MARCHF10: variants seen among roughly 807,000 people sequenced by gnomAD.
MARCHF10 encodes membrane associated ring-CH-type finger 10.
Under a neutral mutation model 76.2 loss-of-function variants are expected in MARCHF10, and 64 were observed. The observed-to-expected ratio is 0.84, with a 90% confidence interval of 0.69 to 1.03. The LOEUF (loss-of-function observed/expected upper bound fraction) is 1.03. Ranked by LOEUF, MARCHF10 falls within the 50% of genes least tolerant of loss-of-function variation. The pLI, the probability that MARCHF10 is intolerant of heterozygous loss-of-function variation, is 0.00. For missense variants in MARCHF10, 875 were observed against 958.0 expected, an observed-to-expected ratio of 0.91 and a Z score of 1.14; for synonymous variants, 340 against 357.5, an observed-to-expected ratio of 0.95 and a Z score of 0.55.
At chr17:62,751,633 C>T (rs563072434) in intron 4 of MARCHF10, among the ~76,000 whole-genome samples, 1 of 152,252 alleles carries the variant, frequency 6.6e-6, no homozygotes, top group Non-Finnish European at 1.5e-5. Flanking sequence ...GAAGAACCTC[C>T]CTGGTGATTT....
At chr17:62,735,789 A>G (rs2091235725) in intron 6 of MARCHF10, 142 bp downstream of exon 6, 2 of 688,024 alleles carry the variant, frequency 2.9e-6, no homozygotes, top group African/African-American at 1.8e-5. Context: ...AAACAGAGAC[A>G]ATTTTCTCAA....
chr17:62,784,752 C>A (rs955627418), intron 3 of MARCHF10, among the ~76,000 whole-genome samples: 7 of 152,164 alleles, frequency 4.6e-5, no homozygotes, highest in African/African-American at 1.2e-4. Flanking sequence ...ACAGCCAAAT[C>A]ATGAGTGAAC....
intron 8 of MARCHF10, among the ~76,000 whole-genome samples, chr17:62,716,692 C>CAAA (rs57272099): frequency 3.1e-5 from 4 of 129,828 alleles, no homozygotes; most frequent in African/African-American, 1.1e-4. Context: ...TAAACAAAAG[C>CAAA]AAAAAAAAAA....
chr17:62,737,079 C>A lies in MARCHF10; in HGVS notation c.789G>T (p.Gly263=). Residue 263 remains glycine (G), a synonymous_variant, in exon 6 of 11, where the codon GGG becomes GGT. Coordinates refer to ENST00000311269, the MANE Select transcript of MARCHF10 (RefSeq NM_152598.4). The part of the protein sequence containing the change: ...GPPLTPTTVG[G]PRKASFRFRD... ...GGAACCTAAATGATGCCTTTCTTGG[C>A]CCTCCTACAGTGGTGGGTGTGAGTG... 6.2e-7 allele frequency: 1 copy of A among 1,614,068 alleles called. No homozygotes were observed. The highest frequency in any genetic ancestry group is 8.5e-7 in the Non-Finnish European group (1 of 1,180,024).
At chr17:62,801,170 T>C (rs1402246318) in intron 2 of MARCHF10, among the ~76,000 whole-genome samples, 1 of 151,960 alleles carries the variant, frequency 6.6e-6, no homozygotes, top group Non-Finnish European at 1.5e-5. Flanking sequence ...GTTTGTTTGT[T>C]TTTGAGACGG....
intron 9 of MARCHF10, among the ~76,000 whole-genome samples, chr17:62,710,556 T>C (rs1300900264): frequency 5.5e-4 from 46 of 83,622 alleles, no homozygotes; most frequent in African/African-American, 1.7e-3. Context: ...CCAGCTTTTT[T>C]TTTTTTTTTT....
chr17:62,781,329 T>C (rs985573847), intron 3 of MARCHF10, among the ~76,000 whole-genome samples: 2 of 152,204 alleles, frequency 1.3e-5, no homozygotes, highest in Admixed American at 6.5e-5. Context: ...TACTGTAATG[T>C]CAGTGTGCCA....
intron 3 of MARCHF10, among the ~76,000 whole-genome samples, chr17:62,765,472 A>G (rs139111394): frequency 6.6e-6 from 1 of 151,582 alleles, no homozygotes; most frequent in Non-Finnish European, 1.5e-5. Context: ...TCCTGCCTAC[A>G]GGCTTCTCTC....
chr17:62,794,212 TACCACCTCCACCACC>T (rs2092947429), intron 2 of MARCHF10, among the ~76,000 whole-genome samples: 1 of 142,868 alleles, frequency 7.0e-6, no homozygotes, highest in African/African-American at 2.6e-5. Flanking sequence ...CCACCACCAC[TACCACCTCCACCACC>T]ACCACATCAC....
chr17:62,750,723 G>A (rs2091871093), intron 4 of MARCHF10, among the ~76,000 whole-genome samples: 1 of 152,196 alleles, frequency 6.6e-6, no homozygotes, highest in African/African-American at 2.4e-5. Flanking sequence ...CAAGGGAAGC[G>A]GCACCAGCAT....
At chr17:62,702,930 CGCCCCTGTTCCT>C (rs1160941011) in intron 10 of MARCHF10, among the ~76,000 whole-genome samples, 1 of 152,184 alleles carries the variant, frequency 6.6e-6, no homozygotes, top group Non-Finnish European at 1.5e-5. Flanking sequence ...CCCTCACACC[CGCCCCTGTTCCT>C]GCCCCTGTCC....
Position 62,711,128 on chromosome 17 carries a change from C to T in MARCHF10, c.2328+103G>A, listed in dbSNP as rs572399304. 1,055 of 889,848 alleles carry T rather than the reference C, an allele frequency of 1.2e-3. 4 individuals are homozygous for T. Among genetic ancestry groups the T allele is most frequent in the Non-Finnish European group, 1.3e-3 (717 of 542,106 alleles). The allele number at this position is 889,848 out of a possible 1,614,324, so 55.1% of individuals were successfully genotyped here. On this transcript the variant is annotated intron_variant, in intron 9 of 10. Coordinates refer to ENST00000311269, the MANE Select transcript of MARCHF10 (RefSeq NM_152598.4). This position sits in a 1 kb window ranked among gnomAD's most constrained non-coding sequence, Gnocchi z 4.4. ...CCTAACAATGATAGTCCCATATCCT[C>T]CCAAGCGACCGTGAGGACCTCAACA...
At chr17:62,774,047 C>T (rs1368791441) in intron 3 of MARCHF10, among the ~76,000 whole-genome samples, 1 of 152,048 alleles carries the variant, frequency 6.6e-6, no homozygotes, top group Non-Finnish European at 1.5e-5. Flanking sequence ...CAGTGTGGAG[C>T]GGACAATCAC....
intron 9 of MARCHF10, among the ~76,000 whole-genome samples, chr17:62,709,339 G>T (rs758059122): frequency 2.0e-5 from 3 of 152,152 alleles, no homozygotes; most frequent in Non-Finnish European, 4.4e-5. Flanking sequence ...AATTAGCCGG[G>T]CACAATACAC....
intron 8 of MARCHF10, among the ~76,000 whole-genome samples, chr17:62,715,864 C>G (rs999177279): frequency 3.3e-5 from 5 of 152,164 alleles, no homozygotes; most frequent in Admixed American, 2.0e-4. Context: ...TGCCCTGCTC[C>G]CACCAGAAGT....
At chr17:62,786,794 C>T (rs941000924) in intron 3 of MARCHF10, among the ~76,000 whole-genome samples, 7 of 152,166 alleles carry the variant, frequency 4.6e-5, no homozygotes, top group African/African-American at 1.7e-4. Flanking sequence ...TCAAATCCTG[C>T]ATATCCCAAA....
At chr17:62,748,889 A>G (rs960696147) in intron 4 of MARCHF10, among the ~76,000 whole-genome samples, 8 of 152,188 alleles carry the variant, frequency 5.3e-5, no homozygotes, top group Non-Finnish European at 1.2e-4. Flanking sequence ...ACCAAGTCCT[A>G]TTTACCCTGG....
At chr17:62,703,842 T>C (rs1273314852) in intron 10 of MARCHF10, among the ~76,000 whole-genome samples, 1 of 152,224 alleles carries the variant, frequency 6.6e-6, no homozygotes, top group Admixed American at 6.5e-5. Flanking sequence ...GAGACGTCGG[T>C]CTTCCCTGGG....
At chr17:62,735,718 G>C in intron 6 of MARCHF10, 1 of 555,828 alleles carries the variant, frequency 1.8e-6, no homozygotes. Context: ...GGGAAATAGA[G>C]AAGAAACTGA....
Sources: gnomAD v4.1 joint callset for allele counts (sites outside exome capture counted in the v4.1 genomes callset) on GRCh38, gnomAD v4.1.1 for gene constraint, Gnocchi (gnomAD v3.1) non-coding constraint, MANE v1.5 for transcripts, NCBI Gene and HGNC (gene_info 2026-07-23, HGNC 2026-07-21) for gene names.